The following DLG1 variants were observed in gnomAD, a reference collection of about 807,000 sequenced individuals.
DLG1 encodes the protein disks large homolog 1.
Under a neutral mutation model 123.4 loss-of-function variants are expected in DLG1, and 42 were observed. The observed-to-expected ratio is 0.34, with a 90% confidence interval of 0.27 to 0.44. The LOEUF is 0.44. Among genes scored for constraint, DLG1 ranks in the 20% least tolerant of loss-of-function variants. The pLI is 1.00. For synonymous variants in DLG1, 317 were observed against 356.2 expected (o/e 0.89, Z 1.24); for missense variants, 942 against 1,082.6 (o/e 0.87, Z 1.82).
intron 4 of DLG1, among the ~76,000 whole-genome samples, chr3:197,239,651 C>T (rs1578525378): frequency 6.6e-6 from 1 of 151,920 alleles, no homozygotes; most frequent in South Asian, 2.1e-4. Context: ...GGGATTTATT[C>T]CTGGAATATA....
At chr3:197,103,053 A>C (rs1764391781) in intron 14 of DLG1, among the ~76,000 whole-genome samples, 1 of 152,190 alleles carries the variant, frequency 6.6e-6, no homozygotes, top group African/African-American at 2.4e-5. Flanking sequence ...TTCTAAACCA[A>C]ACCACATTAT....
At chr3:197,171,413 A>G (rs2150027924) in intron 5 of DLG1, among the ~76,000 whole-genome samples, 1 of 152,340 alleles carries the variant, frequency 6.6e-6, no homozygotes, top group Admixed American at 6.5e-5. Flanking sequence ...AACCAGCTTC[A>G]TATGACTTCC....
chr3:197,273,952 G>A (rs1765174278), intron 4 of DLG1, among the ~76,000 whole-genome samples: 1 of 147,622 alleles, frequency 6.8e-6, no homozygotes, highest in Non-Finnish European at 1.5e-5. Flanking sequence ...ACAAAGTGAA[G>A]AGGACACAAA....
At chr3:197,173,215 T>C (rs545773150) in intron 5 of DLG1, among the ~76,000 whole-genome samples, 20 of 152,282 alleles carry the variant, frequency 1.3e-4, no homozygotes, top group African/African-American at 4.8e-4. Flanking sequence ...TATCTCTAGA[T>C]TCCTCATTTA....
intron 4 of DLG1, among the ~76,000 whole-genome samples, chr3:197,263,839 C>G (rs1248166386): frequency 6.6e-6 from 1 of 152,070 alleles, no homozygotes; most frequent in Non-Finnish European, 1.5e-5. Flanking sequence ...ACCACTTTAT[C>G]CCCATCATCT....
intron 14 of DLG1, among the ~76,000 whole-genome samples, chr3:197,101,403 T>A (rs1763368252): frequency 6.6e-6 from 1 of 151,850 alleles, no homozygotes; most frequent in Admixed American, 6.6e-5. Context: ...TTTTTTTTTT[T>A]GAGACAGAGT....
chr3:197,167,090 G>A (rs1801831061), intron 5 of DLG1, among the ~76,000 whole-genome samples: 1 of 152,124 alleles, frequency 6.6e-6, no homozygotes, highest in South Asian at 2.1e-4. Context: ...TGGCCAGACT[G>A]GGAACAATCT....
At chr3:197,106,747 T>C (rs1417842437) in intron 13 of DLG1, among the ~76,000 whole-genome samples, 1 of 152,190 alleles carries the variant, frequency 6.6e-6, no homozygotes, top group African/African-American at 2.4e-5. Flanking sequence ...TCACTGAACA[T>C]TTCAATTGAA....
At chr3:197,114,218 A>G (rs1579489715) in intron 13 of DLG1, among the ~76,000 whole-genome samples, 3 of 152,160 alleles carry the variant, frequency 2.0e-5, no homozygotes, top group South Asian at 2.1e-4. Flanking sequence ...AGAATTGATG[A>G]AAGACATGAC....
intron 14 of DLG1, among the ~76,000 whole-genome samples, chr3:197,100,435 A>G (rs1385826208): frequency 6.6e-6 from 1 of 152,208 alleles, no homozygotes; most frequent in African/African-American, 2.4e-5. Flanking sequence ...CGAAAATAAA[A>G]TATGTCACAA....
At chr3:197,221,098 T>C (rs191713563) in intron 4 of DLG1, among the ~76,000 whole-genome samples, 14 of 152,340 alleles carry the variant, frequency 9.2e-5, no homozygotes, top group African/African-American at 2.6e-4. Flanking sequence ...AAGGAAACCT[T>C]ACATACCACA....
intron 4 of DLG1, among the ~76,000 whole-genome samples, chr3:197,273,218 GTGTA>G (rs1764715784): frequency 1.3e-5 from 2 of 150,484 alleles, no homozygotes; most frequent in African/African-American, 4.9e-5. Flanking sequence ...GTGTATGTGT[GTGTA>G]TATATATATA....
At chr3:197,198,436 G>A (rs759360948) in intron 4 of DLG1, among the ~76,000 whole-genome samples, 7 of 145,160 alleles carry the variant, frequency 4.8e-5, no homozygotes, top group Non-Finnish European at 1.0e-4. Flanking sequence ...GCAGTGAGTC[G>A]AGACCAGGCC....
chr3:197,224,467 T>C (rs1312200778), intron 4 of DLG1, among the ~76,000 whole-genome samples: 3 of 152,154 alleles, frequency 2.0e-5, no homozygotes, highest in Non-Finnish European at 2.9e-5. Flanking sequence ...CTGTTGTACA[T>C]ACCACATGAA....
At chr3:197,285,411 C>T (rs76074325) in intron 3 of DLG1, among the ~76,000 whole-genome samples, 3,624 of 151,760 alleles carry the variant, frequency 0.024, 207 homozygotes, top group Admixed American at 0.12. Context: ...AACATAATAC[C>T]GGTGACATTT....
intron 3 of DLG1, among the ~76,000 whole-genome samples, chr3:197,295,277 TA>T (rs779517265): frequency 9.2e-5 from 14 of 152,194 alleles, no homozygotes; most frequent in Non-Finnish European, 1.8e-4. Context: ...TCTTTCATTC[TA>T]AAACCGTAGA....
intron 4 of DLG1, among the ~76,000 whole-genome samples, chr3:197,232,951 C>A (rs1395126387): frequency 6.6e-6 from 1 of 152,062 alleles, no homozygotes; most frequent in Non-Finnish European, 1.5e-5. Context: ...GATTTACACT[C>A]TCATTATTCC....
rs554031407 is a variant in DLG1, at chr3:197,120,388, C to T, written c.1166-858G>A. On this transcript the variant is annotated intron_variant, in intron 11 of 24. Coordinates refer to ENST00000667157, the MANE Select transcript of DLG1 (RefSeq NM_001366207.1). ...TAATAACAGAAAATTATAGTGATTC[C>T]TGACCATGCTTTCTAAAGACACAGG... 1.1e-4 allele frequency among the ~76,000 whole-genome samples: 17 copies of T among 152,086 alleles called. No individual in the cohort carries two copies. The South Asian group carries it at 3.5e-3, about 32-fold the overall frequency.
At chr3:197,190,942 G>A (rs1049938098) in intron 5 of DLG1, among the ~76,000 whole-genome samples, 2 of 152,128 alleles carry the variant, frequency 1.3e-5, no homozygotes, top group South Asian at 2.1e-4. Flanking sequence ...CCCGGGAGGC[G>A]GAGCTTGCAG....
Sources: allele counts gnomAD v4.1 joint callset (sites outside exome capture counted in the v4.1 genomes callset), GRCh38; gene constraint gnomAD v4.1.1; transcripts MANE v1.5; gene names NCBI Gene and HGNC (gene_info 2026-07-23, HGNC 2026-07-21).